The following SORBS2 variants were observed in gnomAD, a reference collection of about 807,000 sequenced individuals.
SORBS2 encodes sorbin and SH3 domain-containing protein 2.
In SORBS2, 46 loss-of-function variants were observed where a neutral mutation model predicts 97.7. The observed-to-expected ratio is 0.47, with a 90% CI of 0.37 to 0.60. The LOEUF (loss-of-function observed/expected upper bound fraction) is 0.60, where lower values mean the gene tolerates loss of function less well. Among genes scored for constraint, SORBS2 ranks in the 20% least tolerant of loss-of-function variants. The pLI is 0.00. For synonymous variants in SORBS2, 476 were observed against 473.4 expected, an observed-to-expected ratio of 1.01 and a Z score of -0.07; for missense variants, 1,316 against 1,282.3, an observed-to-expected ratio of 1.03 and a Z score of -0.40.
intron 4 of SORBS2, among the ~76,000 whole-genome samples, chr4:185,640,486 C>T (rs1049111749): frequency 1.3e-5 from 2 of 151,968 alleles, no homozygotes; most frequent in African/African-American, 2.4e-5. Context: ...TAGGAAAATG[C>T]CTAGAAATCT....
chr4:185,707,850 C>A (rs544314345), intron 2 of SORBS2, among the ~76,000 whole-genome samples: 2 of 152,248 alleles, frequency 1.3e-5, no homozygotes, highest in African/African-American at 4.8e-5. Context: ...ACGAGAAAGA[C>A]GCACCCCATG....
intron 2 of SORBS2, among the ~76,000 whole-genome samples, chr4:185,697,608 T>A (rs964588383): frequency 2.0e-5 from 3 of 152,180 alleles, no homozygotes; most frequent in South Asian, 2.1e-4. Context: ...TTAGCTTTTT[T>A]AAAAAAATCA....
intron 1 of SORBS2, among the ~76,000 whole-genome samples, chr4:185,937,132 C>T (rs1201237932): frequency 2.0e-5 from 3 of 152,036 alleles, no homozygotes; most frequent in Non-Finnish European, 2.9e-5. Flanking sequence ...TGCTTGAACC[C>T]GATTTTAAGG....
chr4:185,713,023 G>A (rs1048508962), intron 2 of SORBS2, among the ~76,000 whole-genome samples: 8 of 152,096 alleles, frequency 5.3e-5, no homozygotes, highest in Non-Finnish European at 1.0e-4. Flanking sequence ...AGTATCCAGA[G>A]TGATGCTCAA....
intron 7 of SORBS2, among the ~76,000 whole-genome samples, chr4:185,620,734 A>T (rs542763261): frequency 6.6e-6 from 1 of 152,320 alleles, no homozygotes; most frequent in Non-Finnish European, 1.5e-5. Flanking sequence ...ATTGAATCTC[A>T]AGATGCCATG....
intron 3 of SORBS2, 122 bp from the exon 7 acceptor site, chr4:185,678,669 G>A: frequency 1.6e-6 from 2 of 1,231,444 alleles, no homozygotes; most frequent in Non-Finnish European, 2.2e-6. Flanking sequence ...TCTTACTAGA[G>A]GTTTAATTTA....
intron 1 of SORBS2, among the ~76,000 whole-genome samples, chr4:185,908,322 T>TA (rs2099252757): frequency 3.3e-4 from 40 of 122,386 alleles, no homozygotes; most frequent in Non-Finnish European, 4.5e-4. Context: ...TATATATATA[T>TA]TTGTATACAC....
Position 185,624,503 on chromosome 4 carries a change from C to T in SORBS2, c.635-9G>A. 1 of 1,592,014 alleles carries T rather than the reference C, an allele frequency of 6.3e-7. No individual in the cohort carries two copies. Among genetic ancestry groups the T allele is most frequent in the Non-Finnish European group, 8.5e-7 (1 of 1,169,826 alleles). ...TTTGCTATCATCCCCACCTTTTAAT[C>T]CAGAGCAGCGTGGTAGAAGAGAGAC... On this transcript the variant is annotated splice_polypyrimidine_tract_variant and intron_variant, in intron 6 of 14. Coordinates refer to ENST00000418609, the Ensembl canonical transcript of SORBS2.
At chr4:185,878,803 C>T (rs1197283518) in intron 1 of SORBS2, among the ~76,000 whole-genome samples, 2 of 152,102 alleles carry the variant, frequency 1.3e-5, no homozygotes, top group East Asian at 1.9e-4. Context: ...TCCAGTGCCT[C>T]GCCTCAGCCT....
chr4:185,875,874 C>G (rs187404712), intron 1 of SORBS2, among the ~76,000 whole-genome samples: 10 of 152,250 alleles, frequency 6.6e-5, no homozygotes, highest in Non-Finnish European at 1.2e-4. Flanking sequence ...ACTTCCAAGA[C>G]TTTTTCCCCC....
chr4:185,611,629 T>C (rs1329934947), intron 12 of SORBS2, 151 bp downstream of exon 24: 16 of 581,422 alleles, frequency 2.8e-5, no homozygotes, highest in Non-Finnish European at 4.8e-5. Context: ...TTATATTTAC[T>C]GATGTGGCAC....
At chr4:185,928,056 A>C (rs2099264563) in intron 1 of SORBS2, among the ~76,000 whole-genome samples, 1 of 152,272 alleles carries the variant, frequency 6.6e-6, no homozygotes, top group African/African-American at 2.4e-5. Context: ...TGAGGTCTCA[A>C]ATGACCCATG....
rs2153393534 is a variant in SORBS2 at position 185,606,692 on chromosome 4, C to T, written c.2796+5088G>A. The T allele has an allele frequency of 1.0e-6, 1 of 985,304 alleles. No homozygotes were observed. Among genetic ancestry groups the T allele is most frequent in the African/African-American group, 1.7e-5 (1 of 57,306 alleles). 61.0% of individuals were successfully genotyped at this position (985,304 alleles called of 1,614,324 possible). ...TTGGGTTTCTCCTCCTCCTCCTCCTCTTCAATGTGCAGGTGTGGGGTGCCC... is the reference window on the plus strand; with the variant it reads ...TTGGGTTTCTCCTCCTCCTCCTCCTTTTCAATGTGCAGGTGTGGGGTGCCC... On this transcript the variant is annotated intron_variant, in intron 12 of 14. Transcript: ENST00000418609. The surrounding 1 kb of genome is among the most constrained non-coding windows in gnomAD (Gnocchi z 4.3).
chr4:185,920,947 CATG>C (rs2099260639), intron 1 of SORBS2, among the ~76,000 whole-genome samples: 1 of 152,158 alleles, frequency 6.6e-6, no homozygotes, highest in Non-Finnish European at 1.5e-5. Flanking sequence ...GATGTCCCAT[CATG>C]AGGGTTTGAG....
At chr4:185,881,060 A>C (rs1035052430) in intron 1 of SORBS2, among the ~76,000 whole-genome samples, 1 of 152,216 alleles carries the variant, frequency 6.6e-6, no homozygotes, top group African/African-American at 2.4e-5. Context: ...GTTGCTGAGC[A>C]AAAGCTTGGA....
At chr4:185,718,714 T>G (rs887212297) in intron 2 of SORBS2, among the ~76,000 whole-genome samples, 1 of 152,210 alleles carries the variant, frequency 6.6e-6, no homozygotes, top group African/African-American at 2.4e-5. Flanking sequence ...TTGGGAGAGC[T>G]GGGGCATTCC....
At chr4:185,715,174 C>T (rs6820044) in intron 2 of SORBS2, among the ~76,000 whole-genome samples, 118,482 of 152,132 alleles carry the variant, frequency 0.78, 47,436 homozygotes, top group Non-Finnish European at 0.89. Context: ...AAATAAGTTG[C>T]CTAAACTGAA....
intron 1 of SORBS2, among the ~76,000 whole-genome samples, chr4:185,932,735 CT>C (rs34889053): frequency 0.32 from 48,682 of 152,104 alleles, 8,703 homozygotes; most frequent in East Asian, 0.52. Context: ...ATGAGCCCCC[CT>C]GGGGCTCGGT....
Position 185,623,466 on chromosome 4 carries a change from G to A in SORBS2, c.1663C>T (p.Arg555Cys). ...CCTTTGCAGGAGCTGATGAGGTGGC[G>A]GTGGTGGTGGTGGTGGTGATGGTGG... The change falls in exon 7 of 15, where the codon CGC (arginine) becomes TGC (cysteine). Residue 555 changes from arginine to cysteine, a missense_variant. Transcript: ENST00000418609. This position sits in a 1 kb window ranked among gnomAD's most constrained non-coding sequence, Gnocchi z 6.4. 6.2e-7 allele frequency: 1 copy of A among 1,609,000 alleles called. No homozygotes were observed. Among genetic ancestry groups the A allele is most frequent in the Non-Finnish European group, 8.5e-7 (1 of 1,179,372 alleles).
Sources: allele counts gnomAD v4.1 joint callset (sites outside exome capture counted in the v4.1 genomes callset), GRCh38; gene constraint gnomAD v4.1.1; non-coding constraint Gnocchi (gnomAD v3.1); transcripts MANE v1.5; gene names NCBI Gene and HGNC (gene_info 2026-07-23, HGNC 2026-07-21).